ASAP1: variants seen among roughly 807,000 people sequenced by gnomAD.
ASAP1 encodes the protein arf-GAP with SH3 domain, ANK repeat and PH domain-containing protein 1.
Under a neutral mutation model 145.2 loss-of-function variants are expected in ASAP1, and 43 were observed. That is an observed-to-expected ratio of 0.30 (90% CI 0.23 to 0.38). ASAP1 has a LOEUF of 0.38. Among genes scored for constraint, ASAP1 ranks in the 10% least tolerant of loss-of-function variants. The pLI, the probability that ASAP1 is intolerant of heterozygous loss-of-function variation, is 1.00. For synonymous variants in ASAP1, 546 were observed against 515.5 expected (o/e 1.06, Z -0.80); for missense variants, 1,018 against 1,355.3 (o/e 0.75, Z 3.91).
chr8:130,098,599 C>T (rs1211005481), intron 24 of ASAP1, among the ~76,000 whole-genome samples: 2 of 152,142 alleles, frequency 1.3e-5, no homozygotes, highest in African/African-American at 2.4e-5. Flanking sequence ...CCGCCCGCCT[C>T]GGCCTCCCAA....
At chr8:130,436,885 T>C (rs1388737222) in intron 1 of ASAP1, among the ~76,000 whole-genome samples, 2 of 152,010 alleles carry the variant, frequency 1.3e-5, no homozygotes, top group Non-Finnish European at 2.9e-5. Flanking sequence ...GGCAGGCGGA[T>C]TACCTAAGGT....
chr8:130,234,064 T>C (rs1818065694), intron 4 of ASAP1, among the ~76,000 whole-genome samples: 1 of 152,194 alleles, frequency 6.6e-6, no homozygotes, highest in Admixed American at 6.5e-5. Context: ...TTAAGAGTTC[T>C]TCAGGTGATC....
intron 3 of ASAP1, among the ~76,000 whole-genome samples, chr8:130,289,076 C>T (rs1005381239): frequency 3.3e-5 from 5 of 152,122 alleles, no homozygotes; most frequent in Non-Finnish European, 7.4e-5. Context: ...GTCCCAGGTA[C>T]TCGGGAAGCT....
intron 5 of ASAP1, among the ~76,000 whole-genome samples, chr8:130,199,406 G>T (rs1200386338): frequency 1.3e-5 from 2 of 152,202 alleles, no homozygotes; most frequent in African/African-American, 4.8e-5. Context: ...GTCCTGGAGT[G>T]CTCAGCACCA....
chr8:130,370,936 G>T (rs192516795), intron 2 of ASAP1, among the ~76,000 whole-genome samples: 61 of 152,346 alleles, frequency 4.0e-4, no homozygotes, highest in Non-Finnish European at 7.6e-4. Context: ...AGGGTTTCTT[G>T]TGAGGAGTGA....
intron 27 of ASAP1, among the ~76,000 whole-genome samples, chr8:130,072,323 T>A (rs376991828): frequency 6.6e-6 from 1 of 152,186 alleles, no homozygotes; most frequent in Non-Finnish European, 1.5e-5. Flanking sequence ...TGGGAGATAA[T>A]TGAATCATGG....
chr8:130,116,846 A>C, intron 21 of ASAP1, 34 bp downstream of exon 21: 1 of 1,583,720 alleles, frequency 6.3e-7, no homozygotes, highest in Non-Finnish European at 8.7e-7. Context: ...ACACACGCTT[A>C]CTACAGTCAT....
At chr8:130,216,688 A>G (rs956897983) in intron 4 of ASAP1, among the ~76,000 whole-genome samples, 1 of 152,070 alleles carries the variant, frequency 6.6e-6, no homozygotes, top group Non-Finnish European at 1.5e-5. Context: ...AATACTTTCT[A>G]TCAGCTGATA....
intron 25 of ASAP1, among the ~76,000 whole-genome samples, chr8:130,090,622 T>G (rs1209440070): frequency 6.6e-6 from 1 of 152,214 alleles, no homozygotes; most frequent in Non-Finnish European, 1.5e-5. Context: ...TTAGACAACA[T>G]GTCTATCCTG....
intron 12 of ASAP1, among the ~76,000 whole-genome samples, chr8:130,159,238 G>C (rs1014636753): frequency 6.6e-6 from 1 of 152,106 alleles, no homozygotes; most frequent in African/African-American, 2.4e-5. Context: ...TGCCAGATTG[G>C]CTATAATACA....
intron 5 of ASAP1, among the ~76,000 whole-genome samples, chr8:130,193,487 T>C (rs938677487): frequency 4.6e-5 from 7 of 152,172 alleles, no homozygotes; most frequent in Non-Finnish European, 7.4e-5. Flanking sequence ...GGTTGGAAAC[T>C]GGGCAAAGAA....
In ASAP1 at chr8:130,256,748, T is replaced by TATATCC. The variant is rs1297788033; in HGVS notation, c.187-19755_187-19754insGGATAT. ...CTGAATATACACATTCTTATATATA[T>TATATCC]ATATATATATATATATATATATATA... On this transcript the variant is annotated intron_variant, in intron 3 of 29. Transcript: ENST00000518721. 8.1e-4 allele frequency among the ~76,000 whole-genome samples: 28 copies of TATATCC among 34,734 alleles called. 1 individual carries two copies. In the East Asian group the frequency reaches 0.029, roughly 36 times the overall value. 22.8% of individuals were successfully genotyped at this position (34,734 alleles called of 152,430 possible).
chr8:130,343,484 T>A (rs1825516106), intron 3 of ASAP1, among the ~76,000 whole-genome samples: 1 of 152,214 alleles, frequency 6.6e-6, no homozygotes, highest in African/African-American at 2.4e-5. Flanking sequence ...TGGAGAAACT[T>A]AAATCGAGAC....
At chr8:130,266,901 T>C (rs1385346278) in intron 3 of ASAP1, among the ~76,000 whole-genome samples, 1 of 151,892 alleles carries the variant, frequency 6.6e-6, no homozygotes, top group Non-Finnish European at 1.5e-5. Flanking sequence ...CTGGAAGATA[T>C]ATCTGATGAA....
chr8:130,282,027 C>G (rs1014954357), intron 3 of ASAP1, among the ~76,000 whole-genome samples: 2 of 150,198 alleles, frequency 1.3e-5, no homozygotes, highest in African/African-American at 4.9e-5. Flanking sequence ...AGATCATGAC[C>G]GATTACACTC....
chr8:130,175,736 T>C (rs1393996828), intron 9 of ASAP1, among the ~76,000 whole-genome samples: 1 of 152,210 alleles, frequency 6.6e-6, no homozygotes, highest in African/African-American at 2.4e-5. Context: ...TAAGCGTTTA[T>C]TAAATGAATG....
At chr8:130,095,557 T>C (rs2097515794) in intron 24 of ASAP1, among the ~76,000 whole-genome samples, 1 of 151,904 alleles carries the variant, frequency 6.6e-6, no homozygotes, top group Admixed American at 6.6e-5. Flanking sequence ...TGCTTCAGTC[T>C]TTCAAAGTGC....
chr8:130,214,377 C>T (rs562149488), intron 5 of ASAP1, among the ~76,000 whole-genome samples, 179 bp downstream of exon 5: 115 of 152,168 alleles, frequency 7.6e-4, no homozygotes, highest in Non-Finnish European at 1.1e-3. Context: ...AAATCCTAGG[C>T]GACTAAAAAG....
intron 2 of ASAP1, 48 bp downstream of exon 2, chr8:130,401,837 A>G (rs10090231): frequency 0.29 from 453,216 of 1,563,580 alleles, 69,065 homozygotes; most frequent in African/African-American, 0.47. Flanking sequence ...ATCCCGCTGT[A>G]TCTCCCACGC....
Sources: allele counts gnomAD v4.1 joint callset (sites outside exome capture counted in the v4.1 genomes callset), GRCh38; gene constraint gnomAD v4.1.1; transcripts MANE v1.5; gene names NCBI Gene and HGNC (gene_info 2026-07-23, HGNC 2026-07-21).